Variants in BDKRB2 observed in about 807,000 individuals in gnomAD.
BDKRB2 encodes the protein B2 bradykinin receptor.
BDKRB2 carries 6 observed loss-of-function variants against 4.0 expected under a neutral mutation model. The observed-to-expected ratio is 1.49, with a 90% CI of 0.81 to 2.93. The LOEUF (loss-of-function observed/expected upper bound fraction) is 2.93, where lower values mean the gene tolerates loss of function less well. BDKRB2 is among the 30% of genes most tolerant of loss of function. The pLI, the probability that BDKRB2 is intolerant of heterozygous loss-of-function variation, is 0.00. For missense variants in BDKRB2, 478 were observed against 520.1 expected (o/e 0.92, Z 0.79); for synonymous variants, 225 against 215.3 (o/e 1.05, Z -0.40).
In BDKRB2 at chr14:96,240,836, G is replaced by A. The variant is rs202134620; in HGVS notation, c.508G>A (p.Gly170Ser). Residue 170 changes from glycine to serine, a missense_variant, in exon 3 of 3, where the codon GGC (glycine) becomes AGC (serine). Gly to Ser is a moderately conservative substitution (Grantham distance 56). Transcript: ENST00000554311. Reference sequence around the variant, plus strand: ...AACCATGTCCATGGGCCGGATGCGCGGCGTGCGCTGGGCCAAGCTCTACAG... The same window carrying A: ...AACCATGTCCATGGGCCGGATGCGCAGCGTGCGCTGGGCCAAGCTCTACAG... ...VKTMSMGRMRGVRWAKLYSLV... is the reference protein window; with the variant it reads ...VKTMSMGRMRSVRWAKLYSLV... The A allele has an allele frequency of 7.8e-5, 122 of 1,560,824 alleles. 1 individual carries two copies. Among genetic ancestry groups the A allele is most frequent in the South Asian group, 2.7e-4 (22 of 80,188 alleles).
rs561330464 is a variant in BDKRB2 at position 96,207,742 on chromosome 14, T to G, written c.-40+2783T>G. Among the ~76,000 whole-genome samples the G allele has an allele frequency of 2.6e-5, 4 of 152,024 alleles. No homozygotes were observed. In the South Asian group the frequency reaches 8.3e-4, roughly 32 times the overall value. On this transcript the variant is annotated intron_variant, in intron 1 of 2. Transcript: ENST00000554311. ...TATGGTAAGTCTCCGTACTTTCTGC[T>G]CAATTTTGCTGTGAATCTAAAACTG...
intron 1 of BDKRB2, among the ~76,000 whole-genome samples, chr14:96,216,981 C>T (rs1197675668): frequency 1.3e-5 from 2 of 152,158 alleles, no homozygotes; most frequent in Non-Finnish European, 2.9e-5. Flanking sequence ...TATACATAGC[C>T]CTAGGGCTTA....
chr14:96,221,101 G>C (rs1237190082), intron 1 of BDKRB2, among the ~76,000 whole-genome samples: 30 of 152,068 alleles, frequency 2.0e-4, no homozygotes, highest in Admixed American at 2.0e-3. Context: ...CTCTGGACAA[G>C]TCACCTCACT....
chr14:96,240,358 C>T (rs759569674), intron 2 of BDKRB2, 45 bp from the exon 3 acceptor site: 9 of 1,415,356 alleles, frequency 6.4e-6, no homozygotes, highest in African/African-American at 5.8e-5. Context: ...TTGTCCTTCC[C>T]TTGTGACCCT....
intron 1 of BDKRB2, among the ~76,000 whole-genome samples, chr14:96,210,520 A>C (rs1240142981): frequency 6.6e-6 from 1 of 152,174 alleles, no homozygotes; most frequent in Non-Finnish European, 1.5e-5. Context: ...CTAGGCTTGG[A>C]TTGCAGACCT....
At chr14:96,210,404 T>C (rs529807437) in intron 1 of BDKRB2, among the ~76,000 whole-genome samples, 1 of 152,306 alleles carries the variant, frequency 6.6e-6, no homozygotes, top group South Asian at 2.1e-4. Flanking sequence ...AAGAGGAGGT[T>C]AGGCAGAAGG....
intron 1 of BDKRB2, among the ~76,000 whole-genome samples, chr14:96,210,013 AATAATC>A (rs1451296386): frequency 1.4e-5 from 2 of 140,376 alleles, no homozygotes; most frequent in Non-Finnish European, 3.0e-5. Flanking sequence ...TAATAATAAT[AATAATC>A]ATCATCATCA....
intron 1 of BDKRB2, among the ~76,000 whole-genome samples, chr14:96,235,955 C>T (rs946560983): frequency 6.6e-6 from 1 of 152,114 alleles, no homozygotes; most frequent in African/African-American, 2.4e-5. Flanking sequence ...TTAAGCCCCA[C>T]CTCTAGCCAT....
At chr14:96,216,203 T>A (rs1242507806) in intron 1 of BDKRB2, among the ~76,000 whole-genome samples, 1 of 152,114 alleles carries the variant, frequency 6.6e-6, no homozygotes, top group Admixed American at 6.5e-5. Context: ...GGGCCCCACA[T>A]ATAGCCTGTG....
Position 96,243,841 on chromosome 14 carries a change from A to C in BDKRB2, c.*2337A>C. On this transcript the variant is annotated 3_prime_UTR_variant, in exon 3 of 3. Transcript: ENST00000554311. ...AGTCAAACTGTGCCACACATGGTGA[A>C]TGAAAAAAAAAAAAAGAGGCTGTGT... 1 of 223,030 alleles carries C rather than the reference A, an allele frequency of 4.5e-6. No homozygotes were observed. The highest frequency in any genetic ancestry group is 8.6e-6 in the Non-Finnish European group (1 of 116,792). 13.8% of individuals were successfully genotyped at this position (223,030 alleles called of 1,614,324 possible).
chr14:96,228,531 C>G (rs1017735897), intron 1 of BDKRB2, among the ~76,000 whole-genome samples: 2 of 152,140 alleles, frequency 1.3e-5, no homozygotes, highest in African/African-American at 4.8e-5. Flanking sequence ...CTCCAACTGT[C>G]CAGCTGCCTC....
chr14:96,240,103 A>G (rs1885233211), intron 2 of BDKRB2: 2 of 1,120,082 alleles, frequency 1.8e-6, no homozygotes, highest in African/African-American at 1.6e-5. Context: ...CAAGGAGGTC[A>G]AGGGTCCAAC....
In BDKRB2 at chr14:96,237,182, G is replaced by T. The variant is rs762444960; in HGVS notation, c.74+1G>T. 3.1e-6 allele frequency: 5 copies of T among 1,611,898 alleles called. No individual in the cohort carries two copies. The highest frequency in any genetic ancestry group is 4.2e-6 in the Non-Finnish European group (5 of 1,177,936). ...CCGTGCCCACCACGGCCTCTTTCAG[G>T]TGAGTCAAAGGGATTCCTCAGTTCA... On this transcript the variant is annotated splice_donor_variant, in intron 2 of 2. Transcript: ENST00000554311. LOFTEE classifies it high-confidence loss of function.
intron 1 of BDKRB2, among the ~76,000 whole-genome samples, chr14:96,227,574 CACAA>C (rs1189787598): frequency 1.3e-5 from 2 of 152,194 alleles, no homozygotes; most frequent in African/African-American, 2.4e-5. Flanking sequence ...CACATGTGTG[CACAA>C]ACACATGCAT....
intron 2 of BDKRB2, chr14:96,238,868 G>T (rs565327071): frequency 1.2e-4 from 122 of 986,670 alleles, no homozygotes; most frequent in Non-Finnish European, 1.4e-4. Flanking sequence ...GTTGTCAGGA[G>T]TCAGGCAGGG....
chr14:96,241,415 A>G lies in BDKRB2; in HGVS notation c.1087A>G (p.Met363Val), dbSNP rs1474991980. The change falls in exon 3 of 3, where the codon ATG (methionine) becomes GTG (valine). Residue 363 changes from methionine to valine, a missense_variant. Met to Val is a conservative substitution (Grantham distance 21, BLOSUM62 1). Coordinates refer to ENST00000554311, the MANE Select transcript of BDKRB2 (RefSeq NM_001379692.1). ...GGGCTGCAGGTCAGAACCCATTCAG[A>G]TGGAGAACTCCATGGGCACACTGCG... ...KGGCRSEPIQ[M>V]ENSMGTLRTS... The G allele has an allele frequency of 6.2e-7, 1 of 1,609,290 alleles. No homozygotes were observed. The highest frequency in any genetic ancestry group is 8.5e-7 in the Non-Finnish European group (1 of 1,179,638).
At chr14:96,212,809 C>T (rs1387028863) in intron 1 of BDKRB2, among the ~76,000 whole-genome samples, 2 of 152,270 alleles carry the variant, frequency 1.3e-5, no homozygotes, top group Non-Finnish European at 2.9e-5. Context: ...GCTGATGCTC[C>T]TGTGTCTCTG....
intron 1 of BDKRB2, among the ~76,000 whole-genome samples, chr14:96,206,843 A>G (rs1014403186): frequency 1.5e-4 from 23 of 152,156 alleles, no homozygotes; most frequent in African/African-American, 5.3e-4. Context: ...TTATCAAAAA[A>G]CAGACATTTA....
Position 96,240,787 on chromosome 14 carries a change from C to T in BDKRB2, c.459C>T (p.Ile153=), listed in dbSNP as rs775508034. ...TCTGTTTCCTGATGCTGGTGAGCAT[C>T]GACCGCTACCTGGCCCTGGTGAAAA... ...SSICFLMLVS[I]DRYLALVKTM... is the part of the protein sequence containing the mutation. The change falls in exon 3 of 3, where the codon ATC becomes ATT. Residue 153 remains isoleucine (I), a synonymous_variant. Coordinates refer to ENST00000554311, the MANE Select transcript of BDKRB2 (RefSeq NM_001379692.1). The T allele has an allele frequency of 4.5e-6, 7 of 1,556,556 alleles. No individual in the cohort carries two copies. Among genetic ancestry groups the T allele is most frequent in the East Asian group, 4.5e-5 (2 of 44,476 alleles).
Sources: gnomAD v4.1 joint callset for allele counts (sites outside exome capture counted in the v4.1 genomes callset) on GRCh38, gnomAD v4.1.1 for gene constraint, MANE v1.5 for transcripts, NCBI Gene and HGNC (gene_info 2026-07-23, HGNC 2026-07-21) for gene names.